The following FGD6 variants were observed in gnomAD, a reference collection of about 807,000 sequenced individuals.
FGD6 encodes FYVE, RhoGEF and PH domain-containing protein 6.
FGD6 carries 90 observed loss-of-function variants against 149.4 expected under a neutral mutation model. The ratio of observed to expected loss-of-function variants is 0.60; its 90% CI spans 0.51 to 0.72. The LOEUF (loss-of-function observed/expected upper bound fraction) is 0.72. Among genes scored for constraint, FGD6 ranks in the 30% least tolerant of loss-of-function variants. The pLI is 0.00. For missense variants in FGD6, 1,437 were observed against 1,684.8 expected, an observed-to-expected ratio of 0.85 and a Z score of 2.57; for synonymous variants, 527 against 584.0, an observed-to-expected ratio of 0.90 and a Z score of 1.41.
At chr12:95,145,777 G>A (rs192660240) in intron 5 of FGD6, among the ~76,000 whole-genome samples, 5 of 152,150 alleles carry the variant, frequency 3.3e-5, no homozygotes, top group Admixed American at 1.3e-4. Context: ...GGGTTCAAGC[G>A]ATTCTACTGC....
chr12:95,213,730 G>C (rs1237212439), intron 1 of FGD6, among the ~76,000 whole-genome samples: 1 of 152,186 alleles, frequency 6.6e-6, no homozygotes, highest in Non-Finnish European at 1.5e-5. Context: ...ATAAATTCCT[G>C]TTCTAGTGTC....
rs79823452 is a variant in FGD6, at chr12:95,138,843, C to T, written c.2838-1165G>A. Among the ~76,000 whole-genome samples the T allele has an allele frequency of 1.4e-3, 218 of 152,294 alleles. 1 individual carries two copies. The highest frequency in any genetic ancestry group is 2.1e-3 in the Non-Finnish European group (141 of 68,030). On this transcript the variant is annotated intron_variant, in intron 6 of 20. Coordinates refer to ENST00000343958, the MANE Select transcript of FGD6 (RefSeq NM_018351.4). ...CAAGCTTCATTTGCTACCACAGCGTCCTATTTCAGGTCTCTGCAACTCAGA... is the reference window on the plus strand; with the variant it reads ...CAAGCTTCATTTGCTACCACAGCGTTCTATTTCAGGTCTCTGCAACTCAGA...
chr12:95,165,955 CT>C (rs1260974573), intron 3 of FGD6, among the ~76,000 whole-genome samples: 1 of 146,144 alleles, frequency 6.8e-6, no homozygotes, highest in Non-Finnish European at 1.5e-5. Context: ...CTTGTTTTTT[CT>C]TTTTCTGTTT....
chr12:95,173,777 A>G (rs1266790166), intron 2 of FGD6, among the ~76,000 whole-genome samples: 1 of 152,032 alleles, frequency 6.6e-6, no homozygotes, highest in Non-Finnish European at 1.5e-5. Context: ...ACTCAAGCAG[A>G]ATAAGGAGAC....
chr12:95,172,887 C>A, intron 2 of FGD6, 143 bp from the exon 3 acceptor site: 1 of 637,092 alleles, frequency 1.6e-6, no homozygotes. Flanking sequence ...CCAGATCAGC[C>A]AACTTTCCCT....
rs184934988 is a variant in FGD6 at position 95,128,300 on chromosome 12, G to A, written c.3082+6439C>T. On this transcript the variant is annotated intron_variant, in intron 8 of 20. Transcript: ENST00000343958. ...GCCCAGGGTGAAGTACAACAGGCAC[G>A]ATCATGGCTGATTGCAGCCTTGAAC... 3.3e-5 allele frequency among the ~76,000 whole-genome samples: 5 copies of A among 152,200 alleles called. No individual in the cohort carries two copies. The East Asian group carries it at 7.7e-4, about 24-fold the overall frequency.
chr12:95,124,157 C>T (rs560615629), intron 8 of FGD6, among the ~76,000 whole-genome samples: 2 of 151,920 alleles, frequency 1.3e-5, no homozygotes, highest in Admixed American at 6.6e-5. Flanking sequence ...ATGGATCCTT[C>T]TGCCTCGGCC....
intron 13 of FGD6, among the ~76,000 whole-genome samples, chr12:95,106,676 A>C (rs902969844): frequency 6.6e-6 from 1 of 151,898 alleles, no homozygotes; most frequent in Non-Finnish European, 1.5e-5. Flanking sequence ...CAGGCTGATC[A>C]CCTGAGGTCA....
At chr12:95,112,168 A>G (rs1243975786) in intron 9 of FGD6, among the ~76,000 whole-genome samples, 1 of 152,008 alleles carries the variant, frequency 6.6e-6, no homozygotes, top group African/African-American at 2.4e-5. Flanking sequence ...CAGGAGGTTG[A>G]GGCTGCAGTG....
chr12:95,108,416 T>C lies in FGD6; in HGVS notation c.3196A>G (p.Asn1066Asp), dbSNP rs371288810. 65 of 1,613,990 alleles carry C rather than the reference T, an allele frequency of 4.0e-5. No homozygotes were observed. Among genetic ancestry groups the C allele is most frequent in the Admixed American group, 5.0e-5 (3 of 59,988 alleles). Residue 1066 changes from asparagine (N) to aspartate (D), a missense_variant, in exon 11 of 21, where the codon AAC (asparagine) becomes GAC (aspartate). Transcript: ENST00000343958. The part of the protein sequence containing the change: ...HANDTMKQGD[N>D]FQKLMQIQYS... ...TGAATTTGCATAAGTTTCTGAAAGT[T>C]GTCCTACAGAAAGACAATGGAAAGC...
intron 17 of FGD6, among the ~76,000 whole-genome samples, chr12:95,090,159 G>A (rs1878006709): frequency 6.6e-6 from 1 of 151,988 alleles, no homozygotes; most frequent in Non-Finnish European, 1.5e-5. Context: ...TAAGATAAAA[G>A]CTGGCCATGA....
intron 3 of FGD6, among the ~76,000 whole-genome samples, chr12:95,165,565 C>T (rs949133554): frequency 2.0e-4 from 30 of 150,994 alleles, no homozygotes; most frequent in Admixed American, 1.7e-3. Flanking sequence ...CTCGAACTCC[C>T]GACCTCAGGT....
At chr12:95,217,201 G>C in intron 1 of FGD6, 24 bp downstream of exon 1, 1 of 1,612,182 alleles carries the variant, frequency 6.2e-7, no homozygotes, top group South Asian at 1.1e-5. Context: ...ACTTTCCCGC[G>C]GCAGCGCGAG....
At chr12:95,126,324 G>C in intron 8 of FGD6, 1 of 1,563,826 alleles carries the variant, frequency 6.4e-7, no homozygotes, top group Non-Finnish European at 8.7e-7. Context: ...TCCTCCAAAA[G>C]CTCAGAAGGG....
At chr12:95,194,376 C>G (rs1592872150) in intron 2 of FGD6, among the ~76,000 whole-genome samples, 1 of 152,134 alleles carries the variant, frequency 6.6e-6, no homozygotes, top group South Asian at 2.1e-4. Flanking sequence ...GCTCAGATTA[C>G]AGGCATGAAC....
At chr12:95,093,356 G>C (rs139206794) in intron 15 of FGD6, among the ~76,000 whole-genome samples, 121 of 151,916 alleles carry the variant, frequency 8.0e-4, no homozygotes, top group African/African-American at 2.8e-3. Flanking sequence ...GACCATCCTG[G>C]TCAACATGGT....
At chr12:95,088,395 AT>A (rs1459544092) in intron 18 of FGD6, among the ~76,000 whole-genome samples, 4 of 152,212 alleles carry the variant, frequency 2.6e-5, no homozygotes, top group South Asian at 2.1e-4. Flanking sequence ...TTAAAAAAAA[AT>A]AATCCAACTC....
intron 8 of FGD6, among the ~76,000 whole-genome samples, chr12:95,117,519 G>A (rs1281664647): frequency 6.6e-6 from 1 of 151,904 alleles, no homozygotes. Context: ...CAATCTCCCA[G>A]GCTCAAGTGG....
intron 5 of FGD6, among the ~76,000 whole-genome samples, chr12:95,148,275 T>C (rs1262993820): frequency 1.2e-5 from 1 of 80,802 alleles, no homozygotes; most frequent in African/African-American, 5.8e-5. Flanking sequence ...CTATTCCTTT[T>C]ACAATGCAAA....
Sources: gnomAD v4.1 joint callset for allele counts (sites outside exome capture counted in the v4.1 genomes callset) on GRCh38, gnomAD v4.1.1 for gene constraint, MANE v1.5 for transcripts, NCBI Gene and HGNC (gene_info 2026-07-23, HGNC 2026-07-21) for gene names.